Variants in CAPN9 observed in about 807,000 individuals in gnomAD.
CAPN9 encodes calpain 9.
A neutral mutation model predicts 92.8 loss-of-function variants in CAPN9; 81 were observed. The observed-to-expected ratio is 0.87, with a 90% CI of 0.73 to 1.05. The LOEUF is 1.05. Ranked by LOEUF, CAPN9 falls within the 50% of genes least tolerant of loss-of-function variation. The pLI is 0.00. For synonymous variants in CAPN9, 304 were observed against 328.0 expected (o/e 0.93, Z 0.79); for missense variants, 848 against 866.2 (o/e 0.98, Z 0.26).
rs141416057 is a variant in CAPN9, at chr1:230,775,416, T to C, written c.953+785T>C. Among the ~76,000 whole-genome samples, 25 of 152,332 alleles carry C rather than the reference T, an allele frequency of 1.6e-4. No individual in the cohort carries two copies. The East Asian group carries it at 4.6e-3, about 28-fold the overall frequency. ...AACATTTCTACTCTGGACTTTCCCT[T>C]GGCCTGAATCTCTTTGTTTAATTGA... On this transcript the variant is annotated intron_variant, in intron 8 of 19. Transcript: ENST00000271971.
intron 11 of CAPN9, among the ~76,000 whole-genome samples, chr1:230,784,681 A>G (rs1035377051): frequency 3.3e-5 from 5 of 152,242 alleles, no homozygotes; most frequent in Non-Finnish European, 4.4e-5. Flanking sequence ...CAGAGGATGT[A>G]TGGAAAAGCC....
rs1328218633 is a variant in CAPN9, at chr1:230,795,104, C to T, written c.1871-59C>T. ...CTGCCTGGGAGCTCCCTCAAAGGTG[C>T]AGACTCACCTCGGGGCTCGGATACA... On this transcript the variant is annotated intron_variant, in intron 17 of 19. Transcript: ENST00000271971. The T allele has an allele frequency of 4.7e-6, 5 of 1,068,900 alleles. No individual in the cohort carries two copies. The Admixed American group carries it at 8.5e-5, about 18-fold the overall frequency. 66.2% of individuals were successfully genotyped at this position (1,068,900 alleles called of 1,614,324 possible). A position where few individuals can be genotyped will look rare whatever the true frequency, so the allele number is the denominator to read the frequency against.
At chr1:230,761,555 A>AACACACACACACACACACACACACAC (rs147168033) in intron 3 of CAPN9, among the ~76,000 whole-genome samples, 90 of 150,618 alleles carry the variant, frequency 6.0e-4, no homozygotes, top group African/African-American at 2.1e-3. Flanking sequence ...TCTTCCTTAA[A>AACACACACACACACACACACACACAC]ACACACACAC....
intron 19 of CAPN9, among the ~76,000 whole-genome samples, chr1:230,799,478 G>A (rs1268908352): frequency 6.6e-6 from 1 of 152,156 alleles, no homozygotes; most frequent in Admixed American, 6.5e-5. Flanking sequence ...AGCCAATTAC[G>A]TATTATTACG....
At position 230,779,066 on chromosome 1, in the gene CAPN9, G is replaced by A. The variant is rs1667030613; in HGVS notation, c.1047G>A (p.Trp349Ter). 3 of 1,613,564 alleles carry A rather than the reference G, an allele frequency of 1.9e-6. No individual in the cohort carries two copies. The highest frequency in any genetic ancestry group is 1.1e-5 in the South Asian group (1 of 91,052). ...TGGAGGAAGACGCGATCCACAAATG[G>A]GAGGTGACGGTCCATCAGGGAAGCT... The part of the protein sequence containing the change: ...DALEEDAIHK[W>*]EVTVHQGSWV... The change falls in exon 9 of 20, where the codon TGG becomes TGA. Residue 349 changes from tryptophan to a stop codon, truncating the protein, a stop_gained. Transcript: ENST00000271971. LOFTEE classifies it high-confidence loss of function.
Position 230,747,390 on chromosome 1 carries a change from C to CA in CAPN9, c.-107_-106insA. 1.1e-6 allele frequency: 1 copy of CA among 952,010 alleles called. No individual in the cohort carries two copies. The highest frequency in any genetic ancestry group is 1.4e-5 in the South Asian group (1 of 73,374). 59.0% of individuals were successfully genotyped at this position (952,010 alleles called of 1,614,324 possible). A position where few individuals can be genotyped will look rare whatever the true frequency, so the allele number is the denominator to read the frequency against. On this transcript the variant is annotated 5_prime_UTR_variant, in exon 1 of 20. Coordinates refer to ENST00000271971, the MANE Select transcript of CAPN9 (RefSeq NM_006615.3). ...ATAGGTGGAGGTGAGGGCCACTCAG[C>CA]CCAGTGGCCCTCTGAGCTGTTCCTT...
intron 1 of CAPN9, among the ~76,000 whole-genome samples, chr1:230,752,351 T>C (rs1238956772): frequency 6.6e-6 from 1 of 151,936 alleles, no homozygotes; most frequent in Admixed American, 6.6e-5. Flanking sequence ...CACAGAGGAG[T>C]CGGTCACACA....
intron 8 of CAPN9, among the ~76,000 whole-genome samples, chr1:230,775,672 C>G (rs1666710443): frequency 6.6e-6 from 1 of 152,180 alleles, no homozygotes; most frequent in South Asian, 2.1e-4. Context: ...AATCCCAGCA[C>G]TTTGGGAGGC....
At chr1:230,764,868 A>G (rs905483603) in intron 4 of CAPN9, among the ~76,000 whole-genome samples, 1 of 152,220 alleles carries the variant, frequency 6.6e-6, no homozygotes, top group Non-Finnish European at 1.5e-5. Context: ...GATTTAGCTT[A>G]ACAGAGATGG....
chr1:230,767,768 A>G, intron 5 of CAPN9, 59 bp downstream of exon 5: 3 of 1,518,986 alleles, frequency 2.0e-6, no homozygotes, highest in Non-Finnish European at 2.7e-6. Flanking sequence ...AGTGCATTCC[A>G]GGCACTATGC....
intron 16 of CAPN9, 25 bp downstream of exon 16, chr1:230,792,519 G>T (rs1572090310): frequency 3.8e-6 from 6 of 1,585,622 alleles, no homozygotes; most frequent in Non-Finnish European, 5.2e-6. Flanking sequence ...GCAGGGCTTG[G>T]CCTCTGGGGG....
chr1:230,781,041 G>A (rs1396605578), intron 11 of CAPN9, among the ~76,000 whole-genome samples: 1 of 151,706 alleles, frequency 6.6e-6, no homozygotes, highest in Non-Finnish European at 1.5e-5. Flanking sequence ...AATTTTTTTT[G>A]TATTTTTAGT....
chr1:230,775,287 T>G (rs1465127941), intron 8 of CAPN9, among the ~76,000 whole-genome samples: 2 of 152,118 alleles, frequency 1.3e-5, no homozygotes, highest in Admixed American at 1.3e-4. Context: ...CAGGCAGCCC[T>G]ACTGCTCACA....
At chr1:230,776,960 A>T (rs1572055595) in intron 8 of CAPN9, 1 of 152,330 alleles carries the variant, frequency 6.6e-6, no homozygotes, top group East Asian at 1.9e-4. Context: ...GATTTGTGGA[A>T]CACATGCAGG....
intron 14 of CAPN9, among the ~76,000 whole-genome samples, chr1:230,790,685 A>G (rs1250420649): frequency 6.6e-6 from 1 of 152,210 alleles, no homozygotes; most frequent in Admixed American, 6.5e-5. Context: ...TCACGCCTGT[A>G]ATCCCAGCAC....
At chr1:230,764,632 CTG>C (rs1035513594) in intron 4 of CAPN9, among the ~76,000 whole-genome samples, 1 of 152,228 alleles carries the variant, frequency 6.6e-6, no homozygotes, top group South Asian at 2.1e-4. Flanking sequence ...GCAAAAGAAA[CTG>C]TACGTGAGTG....
At chr1:230,792,606 G>C in intron 16 of CAPN9, 112 bp downstream of exon 16, 10 of 870,314 alleles carry the variant, frequency 1.1e-5, no homozygotes, top group Non-Finnish European at 1.9e-5. Flanking sequence ...AATTGTATTC[G>C]GACAGGGGAG....
intron 1 of CAPN9, among the ~76,000 whole-genome samples, chr1:230,750,163 A>C (rs1246404214): frequency 6.6e-6 from 1 of 152,104 alleles, no homozygotes; most frequent in Non-Finnish European, 1.5e-5. Context: ...CTTCATCCAC[A>C]GGCCAGGGCC....
Position 230,755,418 on chromosome 1 carries a change from T to A in CAPN9, c.283+12T>A. ...CCAGGGAGAGCTGGGTGAGTGTAAG[T>A]GGATGGAGCATGGCGAGAGGGAGGT... is the stretch of plus-strand genomic sequence containing the variant. On this transcript the variant is annotated intron_variant, in intron 2 of 19. Transcript: ENST00000271971. The A allele has an allele frequency of 6.3e-7, 1 of 1,596,204 alleles. No homozygotes were observed. The highest frequency in any genetic ancestry group is 8.5e-7 in the Non-Finnish European group (1 of 1,171,076).
Sources: gnomAD v4.1 joint callset for allele counts (sites outside exome capture counted in the v4.1 genomes callset) on GRCh38, gnomAD v4.1.1 for gene constraint, MANE v1.5 for transcripts, NCBI Gene and HGNC (gene_info 2026-07-23, HGNC 2026-07-21) for gene names.